Variants in MAPK10 observed in about 807,000 individuals in gnomAD.
The protein encoded by MAPK10 is mitogen-activated protein kinase 10.
A neutral mutation model predicts 59.3 loss-of-function variants in MAPK10; 25 were observed. That is an observed-to-expected ratio of 0.42 (90% CI 0.31 to 0.59). The LOEUF (loss-of-function observed/expected upper bound fraction) is 0.59. MAPK10 is among the 20% of genes least tolerant of loss of function. The probability of loss-of-function intolerance (pLI) is 0.15; values close to 1 mark genes in which losing one functional copy is unlikely to be tolerated. For synonymous variants in MAPK10, 190 were observed against 200.5 expected, an observed-to-expected ratio of 0.95 and a Z score of 0.44; for missense variants, 351 against 568.9, an observed-to-expected ratio of 0.62 and a Z score of 3.90.
intron 1 of MAPK10, among the ~76,000 whole-genome samples, chr4:86,516,988 C>A (rs1259578502): frequency 6.6e-6 from 1 of 152,114 alleles, no homozygotes; most frequent in Non-Finnish European, 1.5e-5. Context: ...ATGTTTTGTT[C>A]CAGTTCTCAG....
At chr4:86,067,537 A>G (rs1382857363) in intron 10 of MAPK10, among the ~76,000 whole-genome samples, 2 of 152,160 alleles carry the variant, frequency 1.3e-5, no homozygotes, top group Non-Finnish European at 2.9e-5. Flanking sequence ...GGCTGTGCCA[A>G]TTAAAGAATT....
rs764650837 is a variant in MAPK10, at chr4:86,259,286, CTT to C, written c.-6-64881_-6-64880del. ...CTATATTTCCATTCCAAATCTTTCT[CTT>C]AAATCCCAAATCCATATATCTAATG... On this transcript the variant is annotated intron_variant, in intron 2 of 13. Coordinates refer to ENST00000641462, the MANE Select transcript of MAPK10 (RefSeq NM_138982.4). 1.3e-5 allele frequency among the ~76,000 whole-genome samples: 2 copies of C among 152,148 alleles called. 1 individual carries two copies. The highest frequency in any genetic ancestry group is 3.8e-4 in the East Asian group (2 of 5,200).
At chr4:86,566,039 A>T (rs1490193194) in intron 1 of MAPK10, among the ~76,000 whole-genome samples, 2 of 152,150 alleles carry the variant, frequency 1.3e-5, no homozygotes, top group African/African-American at 4.8e-5. Context: ...CTCTTCAGGA[A>T]GTCTTTTCCA....
intron 2 of MAPK10, among the ~76,000 whole-genome samples, chr4:86,296,540 TG>T: frequency 6.6e-6 from 1 of 152,312 alleles, no homozygotes; most frequent in Non-Finnish European, 1.5e-5. Context: ...TTAGGTGAAA[TG>T]TTTTTAAAAA....
chr4:86,349,455 T>C (rs1181462575), intron 2 of MAPK10, among the ~76,000 whole-genome samples: 2 of 152,192 alleles, frequency 1.3e-5, no homozygotes, highest in South Asian at 2.1e-4. Flanking sequence ...AGGCGCTGTA[T>C]GAGGTATAAG....
At chr4:86,084,006 C>G (rs190161451) in intron 9 of MAPK10, among the ~76,000 whole-genome samples, 2 of 152,242 alleles carry the variant, frequency 1.3e-5, no homozygotes, top group East Asian at 3.9e-4. Flanking sequence ...CAGGATTCAT[C>G]ACCTGCTAAC....
chr4:86,019,103 C>G (rs138618119), intron 13 of MAPK10, among the ~76,000 whole-genome samples: 4 of 152,136 alleles, frequency 2.6e-5, no homozygotes, highest in African/African-American at 7.2e-5. Flanking sequence ...TGGACGTACT[C>G]TATGGGAAAT....
rs1725779709 is a variant in MAPK10 at position 86,342,804 on chromosome 4, C to T, written c.-7+11726G>A. ...TGAGACCCTCCTACTCAGATTTTTACTGCCTCTTGTTCAAGCTGGATTCCC... is the reference window on the plus strand; with the variant it reads ...TGAGACCCTCCTACTCAGATTTTTATTGCCTCTTGTTCAAGCTGGATTCCC... On this transcript the variant is annotated intron_variant, in intron 2 of 13. Transcript: ENST00000641462. 2.0e-5 allele frequency among the ~76,000 whole-genome samples: 3 copies of T among 152,278 alleles called. No homozygotes were observed. In the East Asian group the frequency reaches 5.8e-4, roughly 29 times the overall value.
intron 4 of MAPK10, among the ~76,000 whole-genome samples, chr4:86,150,055 G>A (rs544669007): frequency 3.3e-5 from 5 of 152,316 alleles, no homozygotes; most frequent in African/African-American, 9.6e-5. Context: ...ACCAACGTAA[G>A]TGCCCACTGA....
At chr4:86,553,850 C>G (rs2149101255) in intron 1 of MAPK10, among the ~76,000 whole-genome samples, 1 of 151,958 alleles carries the variant, frequency 6.6e-6, no homozygotes, top group Non-Finnish European at 1.5e-5. Context: ...AAGTGCCCCA[C>G]AGTTTTCTTT....
chr4:86,192,519 G>A (rs946781617), intron 3 of MAPK10: 3 of 151,538 alleles, frequency 2.0e-5, no homozygotes, highest in African/African-American at 7.3e-5. Context: ...ATTTCATTAA[G>A]TTGATCTTCA....
intron 1 of MAPK10, among the ~76,000 whole-genome samples, chr4:86,470,807 GA>G (rs1343043413): frequency 2.0e-5 from 3 of 152,136 alleles, no homozygotes; most frequent in Non-Finnish European, 1.5e-5. Flanking sequence ...TATTATACAA[GA>G]TAGTTAAAAG....
chr4:86,206,195 G>A lies in MAPK10; in HGVS notation c.-6-11788C>T, dbSNP rs559776288. Reference sequence around the variant, plus strand: ...TATCTCCTAATGCTATCCCTCCCCCGTCCCCCCACCTCGCAACAGTCCCCA... The same window carrying A: ...TATCTCCTAATGCTATCCCTCCCCCATCCCCCCACCTCGCAACAGTCCCCA... On this transcript the variant is annotated intron_variant, in intron 2 of 13. Coordinates refer to ENST00000641462, the MANE Select transcript of MAPK10 (RefSeq NM_138982.4). 2.7e-4 allele frequency among the ~76,000 whole-genome samples: 40 copies of A among 146,780 alleles called. No homozygotes were observed. In the South Asian group the frequency reaches 3.8e-3, roughly 14 times the overall value.
At chr4:86,441,526 A>C (rs1579233641) in intron 1 of MAPK10, among the ~76,000 whole-genome samples, 1 of 152,352 alleles carries the variant, frequency 6.6e-6, no homozygotes, top group Non-Finnish European at 1.5e-5. Context: ...GCTTCAAACT[A>C]TGGCTTTAAA....
At chr4:86,114,650 C>G (rs904948956) in intron 4 of MAPK10, among the ~76,000 whole-genome samples, 1 of 152,250 alleles carries the variant, frequency 6.6e-6, no homozygotes, top group Admixed American at 6.5e-5. Flanking sequence ...AGGTCTCACT[C>G]AGTCAGGAGG....
At chr4:86,470,724 G>T (rs1752586405) in intron 1 of MAPK10, among the ~76,000 whole-genome samples, 3 of 151,268 alleles carry the variant, frequency 2.0e-5, no homozygotes, top group Admixed American at 1.3e-4. Flanking sequence ...CCAAGGGAAA[G>T]AATTGAATGT....
intron 1 of MAPK10, among the ~76,000 whole-genome samples, chr4:86,446,676 A>C (rs1280846405): frequency 6.6e-6 from 1 of 151,978 alleles, no homozygotes; most frequent in Non-Finnish European, 1.5e-5. Flanking sequence ...GCCAACTTGC[A>C]CTCCCACCAG....
chr4:86,344,152 A>C (rs1043392947), intron 2 of MAPK10, among the ~76,000 whole-genome samples: 1 of 152,148 alleles, frequency 6.6e-6, no homozygotes, highest in Non-Finnish European at 1.5e-5. Flanking sequence ...AGCTGAGTTT[A>C]GAGACAGGGT....
intron 9 of MAPK10, chr4:86,091,408 A>T (rs1580082789): frequency 6.6e-6 from 1 of 151,820 alleles, no homozygotes; most frequent in East Asian, 1.9e-4. Flanking sequence ...TCTCTTCACT[A>T]TGTAAACAGG....
Sources: gnomAD v4.1 joint callset for allele counts (sites outside exome capture counted in the v4.1 genomes callset) on GRCh38, gnomAD v4.1.1 for gene constraint, MANE v1.5 for transcripts, NCBI Gene and HGNC (gene_info 2026-07-23, HGNC 2026-07-21) for gene names.